ZNF618: variants seen among roughly 807,000 people sequenced by gnomAD.
ZNF618 encodes the protein zinc finger protein 618.
A neutral mutation model predicts 103.0 loss-of-function variants in ZNF618; 34 were observed. The observed-to-expected ratio is 0.33, with a 90% CI of 0.25 to 0.44. The LOEUF (loss-of-function observed/expected upper bound fraction) is 0.44, where lower values mean the gene tolerates loss of function less well. ZNF618 is among the 20% of genes least tolerant of loss of function. ZNF618 has a pLI of 1.00. For missense variants in ZNF618, 1,059 were observed against 1,295.4 expected, an observed-to-expected ratio of 0.82 and a Z score of 2.80; for synonymous variants, 551 against 542.2, an observed-to-expected ratio of 1.02 and a Z score of -0.23.
chr9:113,966,623 G>A (rs973362717), intron 1 of ZNF618, among the ~76,000 whole-genome samples: 9 of 152,300 alleles, frequency 5.9e-5, no homozygotes, highest in East Asian at 1.9e-4. Flanking sequence ...TGGCTCTGTC[G>A]TCATGGTGTA....
intron 10 of ZNF618, among the ~76,000 whole-genome samples, chr9:114,022,601 CAAAA>C (rs56235947): frequency 2.2e-5 from 2 of 90,788 alleles, no homozygotes; most frequent in African/African-American, 8.3e-5. Context: ...TCCACTTGAC[CAAAA>C]AAAAAAAAAA....
chr9:113,897,383 G>C (rs1411814194), intron 1 of ZNF618, among the ~76,000 whole-genome samples: 1 of 152,120 alleles, frequency 6.6e-6, no homozygotes, highest in Non-Finnish European at 1.5e-5. Flanking sequence ...TTGCTTTTGT[G>C]CTTAATTCTG....
chr9:113,945,620 G>A (rs1036059526), intron 1 of ZNF618, among the ~76,000 whole-genome samples: 1 of 152,208 alleles, frequency 6.6e-6, no homozygotes, highest in Non-Finnish European at 1.5e-5. Context: ...AGAGGATCCA[G>A]ACCCCTAACA....
rs145410123 is a variant in ZNF618 at position 113,954,294 on chromosome 9, G to C, written c.34-14823G>C. Among the ~76,000 whole-genome samples the C allele has an allele frequency of 3.8e-3, 571 of 152,242 alleles. 1 individual carries two copies. The highest frequency in any genetic ancestry group is 0.013 in the African/African-American group (547 of 41,534). ...GGTCTGGTCAAGGGATGCTTCTAGA[G>C]TGTCCACTGGGTGCTTGGGTCTTCT... On this transcript the variant is annotated intron_variant, in intron 1 of 14. Transcript: ENST00000374126.
chr9:114,010,338 A>T (rs919982255), intron 9 of ZNF618, among the ~76,000 whole-genome samples: 1 of 149,950 alleles, frequency 6.7e-6, no homozygotes, highest in Non-Finnish European at 1.5e-5. Flanking sequence ...ATATGATGAA[A>T]CCCTCAGTGC....
chr9:113,932,182 T>C (rs1457730591), intron 1 of ZNF618, among the ~76,000 whole-genome samples: 2 of 151,722 alleles, frequency 1.3e-5, no homozygotes, highest in African/African-American at 4.8e-5. Flanking sequence ...AGTTTGGGAG[T>C]CAGGAAAGAC....
At chr9:113,937,637 C>T (rs1834146604) in intron 1 of ZNF618, among the ~76,000 whole-genome samples, 1 of 152,192 alleles carries the variant, frequency 6.6e-6, no homozygotes, top group Non-Finnish European at 1.5e-5. Context: ...CAATTTGGGT[C>T]TCTCTGATGT....
chr9:113,957,122 A>T (rs1313985603), intron 1 of ZNF618, among the ~76,000 whole-genome samples: 1 of 152,224 alleles, frequency 6.6e-6, no homozygotes, highest in Non-Finnish European at 1.5e-5. Context: ...TGCCAAATAA[A>T]TCCCGCCGGC....
intron 1 of ZNF618, among the ~76,000 whole-genome samples, chr9:113,914,759 G>A (rs1170488934): frequency 1.3e-5 from 2 of 152,182 alleles, no homozygotes; most frequent in African/African-American, 4.8e-5. Context: ...TGTTTAAACA[G>A]AGGTTGAACC....
Position 114,022,464 on chromosome 9 carries a change from TG to T in ZNF618, c.844+5681del, listed in dbSNP as rs1843152255. On this transcript the variant is annotated intron_variant, in intron 10 of 14. Coordinates refer to ENST00000374126, the MANE Select transcript of ZNF618 (RefSeq NM_001318042.2). Reference sequence around the variant, plus strand: ...ATATTTGGGAATTATCCAGATTTTTTGTTGCTATTGACTTCTAACTTAATTC... The same window carrying T: ...ATATTTGGGAATTATCCAGATTTTTTTTGCTATTGACTTCTAACTTAATTC... Among the ~76,000 whole-genome samples the T allele has an allele frequency of 4.6e-5, 7 of 152,202 alleles. No homozygotes were observed. The South Asian group carries it at 1.5e-3, about 32-fold the overall frequency.
intron 2 of ZNF618, among the ~76,000 whole-genome samples, chr9:113,972,798 G>A (rs989190985): frequency 1.3e-5 from 2 of 152,216 alleles, no homozygotes; most frequent in African/African-American, 4.8e-5. Context: ...CCAGTGCGGT[G>A]GCTCACCCCT....
intron 1 of ZNF618, among the ~76,000 whole-genome samples, chr9:113,966,340 G>A (rs1346808232): frequency 2.6e-5 from 4 of 152,174 alleles, no homozygotes; most frequent in East Asian, 3.9e-4. Flanking sequence ...CTTGAACTCC[G>A]ATGTTCTAAC....
chr9:113,895,361 G>A (rs1212371489), intron 1 of ZNF618, among the ~76,000 whole-genome samples: 1 of 152,050 alleles, frequency 6.6e-6, no homozygotes, highest in Non-Finnish European at 1.5e-5. Flanking sequence ...CCGATGTGAT[G>A]AATTATATTA....
At chr9:113,937,223 C>T (rs1281322558) in intron 1 of ZNF618, among the ~76,000 whole-genome samples, 1 of 152,202 alleles carries the variant, frequency 6.6e-6, no homozygotes, top group Non-Finnish European at 1.5e-5. Context: ...TGTTCCCACA[C>T]TTACTTTTTC....
At chr9:113,895,453 C>T (rs1041828423) in intron 1 of ZNF618, among the ~76,000 whole-genome samples, 3 of 152,132 alleles carry the variant, frequency 2.0e-5, no homozygotes, top group Middle Eastern at 3.4e-3. Context: ...ATCCTGGGTC[C>T]AATTTGCAGC....
Position 113,876,318 on chromosome 9 carries a change from G to C in ZNF618, c.-63G>C. 1 of 1,102,572 alleles carries C rather than the reference G, an allele frequency of 9.1e-7. No individual in the cohort carries two copies. Among genetic ancestry groups the C allele is most frequent in the Non-Finnish European group, 1.1e-6 (1 of 908,382 alleles). The allele number at this position is 1,102,572 out of a possible 1,614,324, so 68.3% of individuals were successfully genotyped here. On this transcript the variant is annotated 5_prime_UTR_variant, in exon 1 of 15. Transcript: ENST00000374126. ...CGGCGGCGGCGGCGGCATTGTGCGC[G>C]CACCAGCAGCCCGGCCCGGGAGGAG...
chr9:113,964,039 G>C (rs1006646745), intron 1 of ZNF618, among the ~76,000 whole-genome samples: 2 of 152,200 alleles, frequency 1.3e-5, no homozygotes, highest in Non-Finnish European at 2.9e-5. Flanking sequence ...GAGTTGCGGT[G>C]GGGGAGGAAA....
intron 1 of ZNF618, among the ~76,000 whole-genome samples, chr9:113,954,666 A>C (rs1836088826): frequency 6.6e-6 from 1 of 152,082 alleles, no homozygotes; most frequent in Admixed American, 6.5e-5. Context: ...TCCTATCTGA[A>C]CTGATCTGTT....
chr9:114,005,389 G>A (rs942289), intron 6 of ZNF618, among the ~76,000 whole-genome samples: 135,423 of 152,262 alleles, frequency 0.89, 60,584 homozygotes, highest in Non-Finnish European at 0.94. Flanking sequence ...AGACCTGGGA[G>A]CGGGCTCCCC....
Sources: gnomAD v4.1 joint callset for allele counts (sites outside exome capture counted in the v4.1 genomes callset) on GRCh38, gnomAD v4.1.1 for gene constraint, MANE v1.5 for transcripts, NCBI Gene and HGNC (gene_info 2026-07-23, HGNC 2026-07-21) for gene names.